The following GPR143 variants were observed in gnomAD, a reference collection of about 807,000 sequenced individuals.
The protein encoded by GPR143 is G-protein coupled receptor 143.
In GPR143, 8 loss-of-function variants were observed where a neutral mutation model predicts 27.6. The observed-to-expected ratio is 0.29, with a 90% CI of 0.17 to 0.52. The LOEUF (loss-of-function observed/expected upper bound fraction) is 0.52. Ranked by LOEUF, GPR143 falls within the 20% of genes least tolerant of loss-of-function variation. GPR143 has a pLI of 0.96. For missense variants in GPR143, 303 were observed against 343.1 expected (o/e 0.88, Z 0.92); for synonymous variants, 156 against 153.2 (o/e 1.02, Z -0.13).
chrX:9,766,952 TAA>T (rs1293108963), upstream of GPR143, among the ~76,000 whole-genome samples: 7 of 103,750 alleles, frequency 6.7e-5, no homozygotes, highest in East Asian at 2.1e-3. Flanking sequence ...CACACAGAAT[TAA>T]GTTTAAAATT....
At chrX:9,764,506 A>G (rs200160558) in intron 1 of GPR143, among the ~76,000 whole-genome samples, 130 of 6,358 alleles carry the variant, frequency 0.02, 1 homozygote, top group East Asian at 0.087. Context: ...ACACACGCGC[A>G]CACACACACA....
rs190877203 is a variant in GPR143, at chrX:9,742,756, C to T, written c.767+809G>A. ...CTTCTTGACCAAAGACGTGCCCTTG[C>T]CCCTCTGTCAGGCACAGGAATTCTG... On this transcript the variant is annotated intron_variant, in intron 6 of 8. Transcript: ENST00000467482. 6.3e-5 allele frequency among the ~76,000 whole-genome samples: 7 copies of T among 111,820 alleles called. No individual in the cohort carries two copies. The East Asian group carries it at 2.0e-3, about 32-fold the overall frequency.
At chrX:9,737,706 G>A (rs2083384805) in intron 8 of GPR143, among the ~76,000 whole-genome samples, 1 of 111,809 alleles carries the variant, frequency 8.9e-6, no homozygotes, top group Non-Finnish European at 1.9e-5. Flanking sequence ...AATTATATCT[G>A]AAATTTTTTA....
Position 9,743,586 on chromosome X carries a change from AT to A in GPR143, c.745del (p.Ile249SerfsTer5). 1 of 1,158,871 alleles carries A rather than the reference AT, an allele frequency of 8.6e-7. No individual in the cohort carries two copies. Among genetic ancestry groups the A allele is most frequent in the Non-Finnish European group, 1.2e-6 (1 of 847,063 alleles). ...GAVIKIRFFK[I>X]MLVLIICWLS... ...TTACCAAATAATTAAAACCAGCATG[AT>A]TTTGAAAAATCGGATCTTGATCACG... On this transcript the variant is annotated frameshift_variant, in exon 6 of 9. Coordinates refer to ENST00000467482, the MANE Select transcript of GPR143 (RefSeq NM_000273.3). LOFTEE classifies it high-confidence loss of function.
chrX:9,726,401 C>A (rs2083327834), intron 8 of GPR143, among the ~76,000 whole-genome samples: 2 of 111,475 alleles, frequency 1.8e-5, no homozygotes, highest in East Asian at 5.6e-4. Context: ...GTAGCTCCTC[C>A]CTGTCAGCAT....
intron 8 of GPR143, among the ~76,000 whole-genome samples, chrX:9,729,764 G>A (rs1315462565): frequency 8.9e-6 from 1 of 111,859 alleles, no homozygotes; most frequent in African/African-American, 3.3e-5. Context: ...TGACCTCATG[G>A]TACCCAAGGG....
chrX:9,748,775 G>T, intron 3 of GPR143, 109 bp from the exon 4 acceptor site: 2 of 537,125 alleles, frequency 3.7e-6, no homozygotes, highest in Non-Finnish European at 6.7e-6. Context: ...TGTACACAGA[G>T]GAAAGCCCCT....
At chrX:9,760,444 T>C (rs1386051444) in intron 2 of GPR143, among the ~76,000 whole-genome samples, 4 of 111,884 alleles carry the variant, frequency 3.6e-5, no homozygotes, top group Non-Finnish European at 7.5e-5. Context: ...ATGCATCCAA[T>C]GGATTGATAA....
intron 8 of GPR143, among the ~76,000 whole-genome samples, chrX:9,730,771 C>T (rs73188252): frequency 0.029 from 3,292 of 111,924 alleles, 45 homozygotes; most frequent in Non-Finnish European, 0.042. Flanking sequence ...AAGAAGCAGC[C>T]TTGAAAGGCA....
At chrX:9,778,237 G>T (rs761621983) in intron 1 of GPR143, among the ~76,000 whole-genome samples, 1 of 112,245 alleles carries the variant, frequency 8.9e-6, no homozygotes, top group Admixed American at 9.4e-5. Context: ...TATTCCTGAG[G>T]TCTTACACTG....
At chrX:9,743,954 T>G (rs916642701) in intron 5 of GPR143, among the ~76,000 whole-genome samples, 2 of 112,812 alleles carry the variant, frequency 1.8e-5, no homozygotes, top group Non-Finnish European at 3.7e-5. Context: ...CCCTACCCTT[T>G]ACCCAGATTC....
chrX:9,768,641 C>A (rs2083543215), upstream of GPR143, among the ~76,000 whole-genome samples: 1 of 111,167 alleles, frequency 9.0e-6, no homozygotes, highest in South Asian at 3.7e-4. Context: ...GATTGCACCA[C>A]CAAACTCCAG....
chrX:9,773,220 A>G (rs1348531573), intron 1 of GPR143, among the ~76,000 whole-genome samples: 1 of 111,942 alleles, frequency 8.9e-6, no homozygotes, highest in Admixed American at 9.6e-5. Flanking sequence ...CTGTCTGCCT[A>G]AAGACATTTG....
intron 5 of GPR143, 48 bp downstream of exon 5, chrX:9,745,996 G>A (rs752493749): frequency 2.6e-6 from 2 of 762,458 alleles, no homozygotes; most frequent in Non-Finnish European, 4.1e-6. Context: ...CCGAGGCATG[G>A]GGCCGCTCCC....
Position 9,760,582 on chromosome X carries a change from G to A in GPR143, c.360+135C>T, listed in dbSNP as rs1291441060. ...CTGGAGGGTTTTGTTAAAACAGAGA[G>A]GGCTGGGTTCCTGATCAGCAGGATG... On this transcript the variant is annotated intron_variant, in intron 2 of 8. Coordinates refer to ENST00000467482, the MANE Select transcript of GPR143 (RefSeq NM_000273.3). 1.2e-5 allele frequency: 6 copies of A among 485,207 alleles called. No individual in the cohort carries two copies. The East Asian group carries it at 2.2e-4, about 18-fold the overall frequency. 40.0% of individuals were successfully genotyped at this position (485,207 alleles called of 1,213,427 possible).
chrX:9,747,784 T>C (rs764519377), intron 4 of GPR143: 1 of 112,435 alleles, frequency 8.9e-6, no homozygotes, highest in East Asian at 2.8e-4. Context: ...TCTGATGTTG[T>C]CATGCAAAAG....
Position 9,725,701 on chromosome X carries a change from G to T in GPR143, c.*45C>A. 1 of 970,032 alleles carries T rather than the reference G, an allele frequency of 1.0e-6. No individual in the cohort carries two copies. The highest frequency in any genetic ancestry group is 1.5e-6 in the Non-Finnish European group (1 of 678,225). The allele number at this position is 970,032 out of a possible 1,213,427, so 79.9% of individuals were successfully genotyped here. ...AACACAGTTCTAAAGAACAAGAATT[G>T]TTGAGTCTGAGGAATATGGGGTCTG... On this transcript the variant is annotated 3_prime_UTR_variant, in exon 9 of 9. Coordinates refer to ENST00000467482, the MANE Select transcript of GPR143 (RefSeq NM_000273.3).
At chrX:9,775,326 C>T (rs1426691051) in intron 1 of GPR143, among the ~76,000 whole-genome samples, 1 of 111,778 alleles carries the variant, frequency 8.9e-6, no homozygotes, top group Non-Finnish European at 1.9e-5. Flanking sequence ...GTGCAACAGG[C>T]AGATAACGAT....
Position 9,760,833 on chromosome X carries a change from G to A in GPR143, c.251-7C>T, listed in dbSNP as rs1295985252. 1 of 983,434 alleles carries A rather than the reference G, an allele frequency of 1.0e-6. No homozygotes were observed. The allele number at this position is 983,434 out of a possible 1,213,427, so 81.0% of individuals were successfully genotyped here. On this transcript the variant is annotated splice_polypyrimidine_tract_variant and splice_region_variant and intron_variant, in intron 1 of 8. Transcript: ENST00000467482. ...GTGGACCGGATCACCATACCTAAGA[G>A]AGAATTGGATAATACTTTGTATCTG...
Sources: allele counts gnomAD v4.1 joint callset (sites outside exome capture counted in the v4.1 genomes callset), GRCh38; gene constraint gnomAD v4.1.1; transcripts MANE v1.5; gene names NCBI Gene and HGNC (gene_info 2026-07-23, HGNC 2026-07-21).